The following SHISA6 variants were observed in gnomAD, a reference collection of about 807,000 sequenced individuals.
SHISA6 encodes the protein protein shisa-6.
SHISA6 carries 22 observed loss-of-function variants against 47.9 expected under a neutral mutation model. The ratio of observed to expected loss-of-function variants is 0.46; its 90% CI spans 0.33 to 0.66. The LOEUF (loss-of-function observed/expected upper bound fraction) is 0.66. Ranked by LOEUF, SHISA6 falls within the 30% of genes least tolerant of loss-of-function variation. The pLI is 0.02. For synonymous variants in SHISA6, 388 were observed against 337.8 expected (o/e 1.15, Z -1.63); for missense variants, 680 against 764.6 (o/e 0.89, Z 1.30).
chr17:11,357,397 G>A (rs185633688), intron 2 of SHISA6, among the ~76,000 whole-genome samples: 26 of 152,120 alleles, frequency 1.7e-4, no homozygotes, highest in African/African-American at 6.3e-4. Context: ...ATTATGAAAA[G>A]AATACCTGCC....
At chr17:11,300,158 A>C (rs1258188183) in intron 2 of SHISA6, among the ~76,000 whole-genome samples, 3 of 150,868 alleles carry the variant, frequency 2.0e-5, no homozygotes, top group African/African-American at 7.4e-5. Flanking sequence ...ACAAAAAAAA[A>C]AAAAAAAGAA....
At chr17:11,479,780 AC>A (rs1418312393) in intron 3 of SHISA6, among the ~76,000 whole-genome samples, 2 of 151,888 alleles carry the variant, frequency 1.3e-5, no homozygotes, top group Non-Finnish European at 2.9e-5. Context: ...ATAATTTAAT[AC>A]ATTGTTGCTA....
At chr17:11,253,676 A>C (rs971549579) in intron 1 of SHISA6, among the ~76,000 whole-genome samples, 9 of 152,244 alleles carry the variant, frequency 5.9e-5, no homozygotes, top group South Asian at 2.1e-4. Flanking sequence ...AGCTGCTTCA[A>C]ATCTCCTTTG....
intron 3 of SHISA6, among the ~76,000 whole-genome samples, chr17:11,520,899 C>T (rs2071624108): frequency 6.6e-6 from 1 of 152,126 alleles, no homozygotes; most frequent in Admixed American, 6.5e-5. Flanking sequence ...CTTATTATTG[C>T]CTATCTCTTC....
intron 3 of SHISA6, among the ~76,000 whole-genome samples, chr17:11,404,315 C>T (rs962474020): frequency 4.6e-5 from 7 of 152,290 alleles, no homozygotes; most frequent in African/African-American, 9.6e-5. Context: ...AAAATGGCAT[C>T]GGGAGACGTG....
At chr17:11,490,944 A>G (rs1440898433) in intron 3 of SHISA6, among the ~76,000 whole-genome samples, 2 of 152,240 alleles carry the variant, frequency 1.3e-5, no homozygotes, top group Admixed American at 6.5e-5. Context: ...CCCAGGGCCA[A>G]CAGGGCAAGC....
At chr17:11,311,535 T>TA (rs1178149497) in intron 2 of SHISA6, among the ~76,000 whole-genome samples, 1 of 152,178 alleles carries the variant, frequency 6.6e-6, no homozygotes, top group Non-Finnish European at 1.5e-5. Flanking sequence ...CTTAGCAGCA[T>TA]AAGTATAAGG....
intron 2 of SHISA6, among the ~76,000 whole-genome samples, chr17:11,377,416 C>T (rs1912841387): frequency 6.6e-6 from 1 of 152,180 alleles, no homozygotes; most frequent in South Asian, 2.1e-4. Flanking sequence ...TTCTCCTGTT[C>T]CTGATGCACG....
intron 3 of SHISA6, among the ~76,000 whole-genome samples, chr17:11,481,575 C>T (rs1916223818): frequency 6.6e-6 from 1 of 151,526 alleles, no homozygotes; most frequent in Non-Finnish European, 1.5e-5. Flanking sequence ...TGACTACAAC[C>T]TGTGCTTCCC....
chr17:11,545,294 G>C (rs1351423019), intron 3 of SHISA6, among the ~76,000 whole-genome samples: 1 of 152,054 alleles, frequency 6.6e-6, no homozygotes. Context: ...CAATCCCAAA[G>C]TTAACATACT....
intron 3 of SHISA6, among the ~76,000 whole-genome samples, chr17:11,534,031 G>T (rs555122199): frequency 6.6e-6 from 1 of 151,650 alleles, no homozygotes; most frequent in Non-Finnish European, 1.5e-5. Flanking sequence ...TGGCTGGAGT[G>T]CAATGGTGCA....
chr17:11,370,165 C>T (rs1001905589), intron 2 of SHISA6, among the ~76,000 whole-genome samples: 2 of 152,154 alleles, frequency 1.3e-5, no homozygotes, highest in African/African-American at 4.8e-5. Context: ...AAGATCACCA[C>T]CATCAAGCAC....
intron 3 of SHISA6, among the ~76,000 whole-genome samples, chr17:11,447,427 T>C (rs1009522928): frequency 6.6e-6 from 1 of 152,194 alleles, no homozygotes; most frequent in Non-Finnish European, 1.5e-5. Context: ...GCTGCTGACC[T>C]CAGAGAAGAC....
chr17:11,279,022 A>G (rs1021352305), intron 2 of SHISA6, among the ~76,000 whole-genome samples: 2 of 152,198 alleles, frequency 1.3e-5, no homozygotes, highest in African/African-American at 4.8e-5. Context: ...TTCCACAGAA[A>G]GAAGCTAAAA....
rs1251156390 is a variant in SHISA6, at chr17:11,481,329, AAT to A, written c.896-70560_896-70559del. 3.5e-4 allele frequency among the ~76,000 whole-genome samples: 45 copies of A among 129,502 alleles called. No individual in the cohort carries two copies. In the East Asian group the frequency reaches 5.2e-3, roughly 15 times the overall value. 85.0% of individuals were successfully genotyped at this position (129,502 alleles called of 152,430 possible). On this transcript the variant is annotated intron_variant, in intron 3 of 5. Transcript: ENST00000441885. ...AACAGAGCGAGACACCCTCTCAAAA[AAT>A]ATATATGTGTGTGTGTGTGTGTGTG...
chr17:11,308,384 A>G (rs1166462014), intron 2 of SHISA6, among the ~76,000 whole-genome samples: 1 of 150,814 alleles, frequency 6.6e-6, no homozygotes, highest in African/African-American at 2.4e-5. Context: ...TCCTAACCTC[A>G]TATGTGCACA....
intron 3 of SHISA6, among the ~76,000 whole-genome samples, chr17:11,543,421 A>T (rs2071850801): frequency 6.6e-6 from 1 of 152,180 alleles, no homozygotes; most frequent in African/African-American, 2.4e-5. Context: ...AGCCACTAAG[A>T]AAACAATTTT....
intron 3 of SHISA6, among the ~76,000 whole-genome samples, chr17:11,399,944 T>C (rs1285858975): frequency 1.3e-5 from 2 of 152,214 alleles, no homozygotes; most frequent in African/African-American, 2.4e-5. Flanking sequence ...CTTGCTATTT[T>C]TTCTTCAGAA....
chr17:11,490,652 G>A (rs755441983), intron 3 of SHISA6, among the ~76,000 whole-genome samples: 1 of 152,216 alleles, frequency 6.6e-6, no homozygotes, highest in Non-Finnish European at 1.5e-5. Context: ...ATTCACTGCA[G>A]GAAGGAGGAA....
Sources: gnomAD v4.1 joint callset for allele counts (sites outside exome capture counted in the v4.1 genomes callset) on GRCh38, gnomAD v4.1.1 for gene constraint, MANE v1.5 for transcripts, NCBI Gene and HGNC (gene_info 2026-07-23, HGNC 2026-07-21) for gene names.